The following PFN1 variants were observed in gnomAD, a reference collection of about 807,000 sequenced individuals.
The protein encoded by PFN1 is profilin-1.
In PFN1, 2 loss-of-function variants were observed where a neutral mutation model predicts 11.7. That is an observed-to-expected ratio of 0.17 (90% CI 0.07 to 0.54). PFN1 has a LOEUF of 0.54. Ranked by LOEUF, PFN1 falls within the 20% of genes least tolerant of loss-of-function variation. PFN1 has a pLI of 0.94. For synonymous variants in PFN1, 78 were observed against 76.2 expected, an observed-to-expected ratio of 1.02 and a Z score of -0.12; for missense variants, 97 against 188.4, an observed-to-expected ratio of 0.51 and a Z score of 2.84.
At position 4,948,154 on chromosome 17, in the gene PFN1, C is replaced by T. The variant is rs891857248; in HGVS notation, c.132+109G>A. 12 of 1,294,780 alleles carry T rather than the reference C, an allele frequency of 9.3e-6. No individual in the cohort carries two copies. The East Asian group carries it at 2.5e-4, about 27-fold the overall frequency. The allele number at this position is 1,294,780 out of a possible 1,614,324, so 80.2% of individuals were successfully genotyped here. ...TCGCGCCGCTTCCAGGGCAAGCACC[C>T]AGTCAGGGCCTCTCGCTGCGCGCCC... On this transcript the variant is annotated intron_variant, in intron 1 of 2. Transcript: ENST00000225655.
chr17:4,948,488 TCGGGGCACGCGCTGCCGTCCGGAC>T lies in PFN1; in HGVS notation c.-118_-95del. ...TGGCGGGCGGGGGGAGGCGGAGAGCTCGGGGCACGCGCTGCCGTCCGGACCGCGGCTCCGCTCGCTGTGCAGCAG... is the reference window on the plus strand; with the variant it reads ...TGGCGGGCGGGGGGAGGCGGAGAGCTCGCGGCTCCGCTCGCTGTGCAGCAG... On this transcript the variant is annotated 5_prime_UTR_variant, in exon 1 of 3. Coordinates refer to ENST00000225655, the MANE Select transcript of PFN1 (RefSeq NM_005022.4). 7.3e-7 allele frequency: 1 copy of T among 1,370,184 alleles called. No homozygotes were observed. The highest frequency in any genetic ancestry group is 9.5e-7 in the Non-Finnish European group (1 of 1,049,738). The allele number at this position is 1,370,184 out of a possible 1,614,324, so 84.9% of individuals were successfully genotyped here. A position where few individuals can be genotyped will look rare whatever the true frequency, so the allele number is the denominator to read the frequency against.
chr17:4,948,047 G>C lies in PFN1; in HGVS notation c.132+216C>G, dbSNP rs2151135893. ...ATGTAACGCCCCGTCGCGGAAAGCG[G>C]GGTAGCGGGCGGGATGGGCGCCGCC... is the stretch of plus-strand genomic sequence containing the variant. On this transcript the variant is annotated intron_variant, in intron 1 of 2. Transcript: ENST00000225655. The C allele has an allele frequency of 1.2e-5, 6 of 484,976 alleles. No individual in the cohort carries two copies. The East Asian group carries it at 1.4e-4, about 12-fold the overall frequency. The allele number at this position is 484,976 out of a possible 1,614,324, so 30.0% of individuals were successfully genotyped here.
Position 4,946,016 on chromosome 17 carries a change from G to A in PFN1, c.326-19C>T. ...ACTAGCGCTGGAGGAGGAGGAAAGA[G>A]AAAGGAGGCTAGGATCCAGGTGTCA... On this transcript the variant is annotated intron_variant, in intron 2 of 2. Coordinates refer to ENST00000225655, the MANE Select transcript of PFN1 (RefSeq NM_005022.4). The A allele has an allele frequency of 6.4e-7, 1 of 1,571,948 alleles. No individual in the cohort carries two copies. Among genetic ancestry groups the A allele is most frequent in the South Asian group, 1.1e-5 (1 of 90,122 alleles).
Position 4,945,795 on chromosome 17 carries a change from A to AG in PFN1, c.*104dup. The AG allele has an allele frequency of 1.4e-6, 1 of 738,656 alleles. No homozygotes were observed. The highest frequency in any genetic ancestry group is 2.4e-6 in the Non-Finnish European group (1 of 418,086). 45.8% of individuals were successfully genotyped at this position (738,656 alleles called of 1,614,324 possible). A position where few individuals can be genotyped will look rare whatever the true frequency, so the allele number is the denominator to read the frequency against. ...AGCCCATGTGGTTTTGGCAGCAATAAGGGGTATGGGGTAATGGCCCAAAAA... is the reference window on the plus strand; with the variant it reads ...AGCCCATGTGGTTTTGGCAGCAATAAGGGGGTATGGGGTAATGGCCCAAAAA... On this transcript the variant is annotated 3_prime_UTR_variant, in exon 3 of 3. Transcript: ENST00000225655.
At chr17:4,948,192 GCCCCCA>G in intron 1 of PFN1, 65 bp downstream of exon 1, 3 of 1,415,106 alleles carry the variant, frequency 2.1e-6, no homozygotes, top group Non-Finnish European at 2.8e-6. Flanking sequence ...GACCGCGCCC[GCCCCCA>G]CCCAAGTCCC....
At chr17:4,946,920 C>T in intron 1 of PFN1, 100 bp from the exon 2 acceptor site, 1 of 991,826 alleles carries the variant, frequency 1.0e-6, no homozygotes, top group South Asian at 1.6e-5. Context: ...AGAACCACCC[C>T]GCCGTGGGGG....
chr17:4,948,212 C>T (rs994353484), intron 1 of PFN1, 51 bp downstream of exon 1: 2 of 1,537,528 alleles, frequency 1.3e-6, no homozygotes, highest in Non-Finnish European at 1.8e-6. Context: ...AAGTCCCTCC[C>T]TCAGGGTCCA....
At position 4,948,404 on chromosome 17, in the gene PFN1, A is replaced by ACTGGGGCTGCTCTCGGCGCTGCTG. The variant is rs1971453272; in HGVS notation, c.-34_-11dup. ...CGTTCCACCCGGCCATGGCGCTGCT[A>ACTGGGGCTGCTCTCGGCGCTGCTG]CTGGGGCTGCTCTCGGCGCTGCTGC... is the stretch of plus-strand genomic sequence containing the variant. On this transcript the variant is annotated 5_prime_UTR_variant, in exon 1 of 3. Transcript: ENST00000225655. 3.8e-6 allele frequency: 6 copies of ACTGGGGCTGCTCTCGGCGCTGCTG among 1,597,590 alleles called. No individual in the cohort carries two copies. Among genetic ancestry groups the ACTGGGGCTGCTCTCGGCGCTGCTG allele is most frequent in the Non-Finnish European group, 5.1e-6 (6 of 1,175,074 alleles).
chr17:4,947,791 T>C (rs531122494), intron 1 of PFN1, among the ~76,000 whole-genome samples: 4 of 151,884 alleles, frequency 2.6e-5, no homozygotes, highest in East Asian at 3.9e-4. Flanking sequence ...CCACAGAGGG[T>C]GGGCAAGGGA....
In PFN1 at chr17:4,946,702, A is replaced by C; in HGVS notation, c.251T>G (p.Phe84Cys). ...GCTCTTGGTACGAAGATCCATGCTA[A>C]ATTCCCCATCCTGCAGCAGTGAGTC... ...IRDSLLQDGE[F>C]SMDLRTKSTG... Residue 84 changes from phenylalanine to cysteine, a missense_variant, in exon 2 of 3, where the codon TTT becomes TGT. Transcript: ENST00000225655. 1 of 1,614,110 alleles carries C rather than the reference A, an allele frequency of 6.2e-7. No individual in the cohort carries two copies. Among genetic ancestry groups the C allele is most frequent in the Non-Finnish European group, 8.5e-7 (1 of 1,179,988 alleles).
chr17:4,945,833 G>A lies in PFN1; in HGVS notation c.*67C>T, dbSNP rs1041588121. ...AATGGCCCAAAAAATAAAATGGTTT[G>A]TGTGTGTATGGGGAGGAAAGGGGTG... On this transcript the variant is annotated 3_prime_UTR_variant, in exon 3 of 3. Transcript: ENST00000225655. The A allele has an allele frequency of 1.8e-5, 19 of 1,046,740 alleles. No individual in the cohort carries two copies. Among genetic ancestry groups the A allele is most frequent in the Non-Finnish European group, 2.7e-5 (18 of 665,926 alleles). The allele number at this position is 1,046,740 out of a possible 1,614,324, so 64.8% of individuals were successfully genotyped here. A position where few individuals can be genotyped will look rare whatever the true frequency, so the allele number is the denominator to read the frequency against.
At chr17:4,946,888 A>C (rs1260506907) in intron 1 of PFN1, 68 bp from the exon 2 acceptor site, 1 of 1,437,274 alleles carries the variant, frequency 7.0e-7, no homozygotes. Context: ...TTCTCCAAAG[A>C]CCCACCTGTC....
At chr17:4,948,192 G>GC in intron 1 of PFN1, 71 bp downstream of exon 1, 7 of 1,415,126 alleles carry the variant, frequency 4.9e-6, no homozygotes, top group Admixed American at 2.4e-5. Context: ...GACCGCGCCC[G>GC]CCCCCACCCA....
At position 4,948,510 on chromosome 17, in the gene PFN1, G is replaced by A. The variant is rs1971457633; in HGVS notation, c.-116C>T. 2 of 1,206,318 alleles carry A rather than the reference G, an allele frequency of 1.7e-6. No homozygotes were observed. The highest frequency in any genetic ancestry group is 2.2e-6 in the Non-Finnish European group (2 of 915,016). The allele number at this position is 1,206,318 out of a possible 1,614,324, so 74.7% of individuals were successfully genotyped here. Reference sequence around the variant, plus strand: ...AGCTCGGGGCACGCGCTGCCGTCCGGACCGCGGCTCCGCTCGCTGTGCAGC... The same window carrying A: ...AGCTCGGGGCACGCGCTGCCGTCCGAACCGCGGCTCCGCTCGCTGTGCAGC... On this transcript the variant is annotated 5_prime_UTR_variant, in exon 1 of 3. Transcript: ENST00000225655.
rs369165495 is a variant in PFN1 at position 4,948,356 on chromosome 17, C to T, written c.39G>A (p.Ala13=). The change falls in exon 1 of 3, where the codon GCG becomes GCA. Residue 13 remains alanine (A), a synonymous_variant. Coordinates refer to ENST00000225655, the MANE Select transcript of PFN1 (RefSeq NM_005022.4). The stretch of plus-strand genomic sequence containing the variant: ...TGGCCGCGTCCTGACAGGTCCCGTC[C>T]GCCATGAGGTTGTCGATGTAGGCGT... ...GWNAYIDNLM[A]DGTCQDAAIV... The T allele has an allele frequency of 1.2e-6, 2 of 1,610,502 alleles. No homozygotes were observed. The highest frequency in any genetic ancestry group is 1.3e-5 in the African/African-American group (1 of 74,422).
chr17:4,946,134 C>T, intron 2 of PFN1, 137 bp from the exon 3 acceptor site: 1 of 625,596 alleles, frequency 1.6e-6, no homozygotes, highest in Non-Finnish European at 2.9e-6. Flanking sequence ...CCACCACACA[C>T]AGGCAGGCTG....
At position 4,948,486 on chromosome 17, in the gene PFN1, G is replaced by A; in HGVS notation, c.-92C>T. 2 of 1,387,018 alleles carry A rather than the reference G, an allele frequency of 1.4e-6. No individual in the cohort carries two copies. The highest frequency in any genetic ancestry group is 1.9e-6 in the Non-Finnish European group (2 of 1,063,324). 85.9% of individuals were successfully genotyped at this position (1,387,018 alleles called of 1,614,324 possible). On this transcript the variant is annotated 5_prime_UTR_variant, in exon 1 of 3. Coordinates refer to ENST00000225655, the MANE Select transcript of PFN1 (RefSeq NM_005022.4). ...GCTGGCGGGCGGGGGGAGGCGGAGA[G>A]CTCGGGGCACGCGCTGCCGTCCGGA...
rs1319083181 is a variant in PFN1, at chr17:4,948,406, T to A, written c.-12A>T. 6.3e-7 allele frequency: 1 copy of A among 1,596,938 alleles called. No individual in the cohort carries two copies. The highest frequency in any genetic ancestry group is 8.5e-7 in the Non-Finnish European group (1 of 1,174,878). ...TTCCACCCGGCCATGGCGCTGCTAC[T>A]GGGGCTGCTCTCGGCGCTGCTGCTG... On this transcript the variant is annotated 5_prime_UTR_variant, in exon 1 of 3. Transcript: ENST00000225655.
intron 1 of PFN1, chr17:4,948,027 A>C (rs879858603): frequency 2.9e-5 from 13 of 448,422 alleles, no homozygotes; most frequent in Non-Finnish European, 4.3e-5. Flanking sequence ...CCCGGATGTA[A>C]CGCCCCGTCG....
Sources: gnomAD v4.1 joint callset for allele counts (sites outside exome capture counted in the v4.1 genomes callset) on GRCh38, gnomAD v4.1.1 for gene constraint, MANE v1.5 for transcripts, NCBI Gene and HGNC (gene_info 2026-07-23, HGNC 2026-07-21) for gene names.